CAP2: variants seen among roughly 807,000 people sequenced by gnomAD.
The protein encoded by CAP2 is cyclase associated actin cytoskeleton regulatory protein 2.
Under a neutral mutation model 57.7 loss-of-function variants are expected in CAP2, and 24 were observed. That is an observed-to-expected ratio of 0.42 (90% CI 0.30 to 0.58). The LOEUF is 0.58. Ranked by LOEUF, CAP2 falls within the 20% of genes least tolerant of loss-of-function variation. The pLI, the probability that CAP2 is intolerant of heterozygous loss-of-function variation, is 0.22. For missense variants in CAP2, 501 were observed against 590.3 expected (o/e 0.85, Z 1.57); for synonymous variants, 194 against 207.2 (o/e 0.94, Z 0.55).
rs1186366114 is a variant in CAP2 at position 17,421,610 on chromosome 6, G to C, written c.55G>C (p.Glu19Gln). The change falls in exon 2 of 13, where the codon GAG becomes CAG. Residue 19 changes from glutamate (E) to glutamine (Q), a missense_variant. Glu to Gln is a conservative substitution (Grantham distance 29, BLOSUM62 2). Coordinates refer to ENST00000229922, the MANE Select transcript of CAP2 (RefSeq NM_006366.3). ...ACTGGAACGAGCTGTCAGCCGCCTGGAGTCGCTGTCTGCAGAGTCCCACAG... is the reference window on the plus strand; with the variant it reads ...ACTGGAACGAGCTGTCAGCCGCCTGCAGTCGCTGTCTGCAGAGTCCCACAG... ...ERLERAVSRL[E>Q]SLSAESHRPP... is the part of the protein sequence containing the mutation. 2 of 1,614,050 alleles carry C rather than the reference G, an allele frequency of 1.2e-6. No homozygotes were observed. The highest frequency in any genetic ancestry group is 1.7e-6 in the Non-Finnish European group (2 of 1,179,910).
At chr6:17,455,277 G>A (rs1760528075) in intron 3 of CAP2, among the ~76,000 whole-genome samples, 1 of 108,418 alleles carries the variant, frequency 9.2e-6, no homozygotes, top group Non-Finnish European at 2.0e-5. Context: ...ATGCTCTACT[G>A]GTAAGGAAAA....
At chr6:17,415,361 C>A (rs1296551838) in intron 1 of CAP2, among the ~76,000 whole-genome samples, 1 of 152,174 alleles carries the variant, frequency 6.6e-6, no homozygotes, top group African/African-American at 2.4e-5. Flanking sequence ...GAAAAAGGAG[C>A]CATGGAAGAG....
chr6:17,440,469 C>T (rs974828773), intron 3 of CAP2, among the ~76,000 whole-genome samples: 1 of 151,532 alleles, frequency 6.6e-6, no homozygotes, highest in African/African-American at 2.4e-5. Flanking sequence ...TTACTGACCT[C>T]TTCCTTTTTA....
chr6:17,522,179 C>G (rs370163205), intron 7 of CAP2, among the ~76,000 whole-genome samples: 3 of 152,098 alleles, frequency 2.0e-5, no homozygotes, highest in Non-Finnish European at 4.4e-5. Context: ...CCTCCCAAAT[C>G]ACAACCTACT....
At chr6:17,421,046 T>A (rs1007012751) in intron 1 of CAP2, among the ~76,000 whole-genome samples, 1 of 152,208 alleles carries the variant, frequency 6.6e-6, no homozygotes, top group Non-Finnish European at 1.5e-5. Context: ...TATGAAATAC[T>A]AATCAGTCAA....
At position 17,504,401 on chromosome 6, in the gene CAP2, C is replaced by T. The variant is rs139718217; in HGVS notation, c.301-2768C>T. Among the ~76,000 whole-genome samples, 51 of 152,326 alleles carry T rather than the reference C, an allele frequency of 3.3e-4. No individual in the cohort carries two copies. In the Middle Eastern group the frequency reaches 0.014, roughly 41 times the overall value. On this transcript the variant is annotated intron_variant, in intron 4 of 12. Coordinates refer to ENST00000229922, the MANE Select transcript of CAP2 (RefSeq NM_006366.3). ...GAGCAAGGATTTGAACCCAAGAAGT[C>T]TCATTCTAGAACCTTTGCTCTTAAT... is the stretch of plus-strand genomic sequence containing the variant.
At chr6:17,528,906 A>G (rs1309091043) in intron 7 of CAP2, among the ~76,000 whole-genome samples, 1 of 152,168 alleles carries the variant, frequency 6.6e-6, no homozygotes, top group Non-Finnish European at 1.5e-5. Context: ...GTTTTTATTG[A>G]CAGAAGTCTC....
intron 11 of CAP2, among the ~76,000 whole-genome samples, chr6:17,550,918 A>T (rs1445652956): frequency 6.6e-6 from 1 of 152,188 alleles, no homozygotes; most frequent in Non-Finnish European, 1.5e-5. Flanking sequence ...TCAGCCACTG[A>T]GATTTTTATC....
chr6:17,539,139 C>A, intron 7 of CAP2, 130 bp from the exon 8 acceptor site: 1 of 772,108 alleles, frequency 1.3e-6, no homozygotes, highest in Non-Finnish European at 2.1e-6. Context: ...CACAGGTGTG[C>A]CCTCTGGGAG....
chr6:17,517,499 A>C (rs1464014029), intron 7 of CAP2, among the ~76,000 whole-genome samples: 1 of 152,256 alleles, frequency 6.6e-6, no homozygotes, highest in Admixed American at 6.5e-5. Context: ...TACTATGTAC[A>C]ACACATTCAG....
chr6:17,553,632 CAA>C (rs1190269006), intron 12 of CAP2, among the ~76,000 whole-genome samples: 7 of 103,946 alleles, frequency 6.7e-5, no homozygotes, highest in Admixed American at 1.1e-4. Flanking sequence ...GACTCCATCT[CAA>C]AAAAAAAAAA....
chr6:17,461,587 A>G (rs1362434447), intron 3 of CAP2, among the ~76,000 whole-genome samples: 1 of 152,174 alleles, frequency 6.6e-6, no homozygotes, highest in Non-Finnish European at 1.5e-5. Context: ...GCTTTATCTT[A>G]CAAGAATAAC....
At chr6:17,408,097 A>T (rs1187204340) in intron 1 of CAP2, among the ~76,000 whole-genome samples, 1 of 152,198 alleles carries the variant, frequency 6.6e-6, no homozygotes. Flanking sequence ...ATTACTCGTT[A>T]TCTAAGTCCA....
Position 17,513,703 on chromosome 6 carries a change from A to G in CAP2, c.531-146A>G. The G allele has an allele frequency of 1.6e-6, 1 of 631,836 alleles. No homozygotes were observed. Among genetic ancestry groups the G allele is most frequent in the Non-Finnish European group, 2.8e-6 (1 of 353,864 alleles). 39.1% of individuals were successfully genotyped at this position (631,836 alleles called of 1,614,324 possible). On this transcript the variant is annotated intron_variant, in intron 6 of 12. Transcript: ENST00000229922. The surrounding 1 kb of genome is among the most constrained non-coding windows in gnomAD (Gnocchi z 4.3). Reference sequence around the variant, plus strand: ...GCTTCCTCCCAGGGTTCCCTTCTGAAGCCCTTCACGGTGCCTGGGTTGCAA... The same window carrying G: ...GCTTCCTCCCAGGGTTCCCTTCTGAGGCCCTTCACGGTGCCTGGGTTGCAA...
intron 2 of CAP2, among the ~76,000 whole-genome samples, chr6:17,423,693 T>TA (rs1028293900): frequency 7.9e-5 from 12 of 151,930 alleles, no homozygotes; most frequent in Admixed American, 2.6e-4. Context: ...TGGTACATTG[T>TA]AAAAAAAAGA....
At chr6:17,522,803 T>A (rs879769818) in intron 7 of CAP2, among the ~76,000 whole-genome samples, 1 of 152,172 alleles carries the variant, frequency 6.6e-6, no homozygotes, top group Non-Finnish European at 1.5e-5. Context: ...TGTTGTTTGT[T>A]TTTTGTTTTT....
At chr6:17,446,944 G>A (rs1016373434) in intron 3 of CAP2, among the ~76,000 whole-genome samples, 1 of 152,182 alleles carries the variant, frequency 6.6e-6, no homozygotes, top group African/African-American at 2.4e-5. Context: ...ACCTTTCATG[G>A]TTGAGCGGTC....
At chr6:17,526,639 A>G (rs77152973) in intron 7 of CAP2, among the ~76,000 whole-genome samples, 8,271 of 152,248 alleles carry the variant, frequency 0.054, 273 homozygotes, top group Middle Eastern at 0.095. Context: ...ATTATCTTCT[A>G]AAGGTAAAAC....
intron 3 of CAP2, among the ~76,000 whole-genome samples, chr6:17,428,624 T>A (rs1369343814): frequency 3.4e-5 from 1 of 29,562 alleles, no homozygotes; most frequent in Non-Finnish European, 6.3e-5. Flanking sequence ...GGGACTGTGG[T>A]GGGATGGGGG....
Sources: gnomAD v4.1 joint callset for allele counts (sites outside exome capture counted in the v4.1 genomes callset) on GRCh38, gnomAD v4.1.1 for gene constraint, Gnocchi (gnomAD v3.1) non-coding constraint, MANE v1.5 for transcripts, NCBI Gene and HGNC (gene_info 2026-07-23, HGNC 2026-07-21) for gene names.